SLC71A1: variants seen among roughly 807,000 people sequenced by gnomAD.
The protein encoded by SLC71A1 is solute carrier family 71 member 1, also known as hippocampus abundant gene transcript 1.
At chr1:100,043,922 A>G in the SLC71A1 span, among the ~76,000 whole-genome samples, 1 of 152,244 alleles carries the variant, frequency 6.6e-6, no homozygotes, top group South Asian at 2.1e-4. Flanking sequence ...AATGGTATAT[A>G]TACACCACAT....
chr1:100,059,807 A>G, the SLC71A1 span: 2 of 1,359,746 alleles, frequency 1.5e-6, no homozygotes, highest in Non-Finnish European at 2.0e-6. Flanking sequence ...TTTCTATAGG[A>G]GTAAAATGAT....
the SLC71A1 span, among the ~76,000 whole-genome samples, chr1:100,072,207 A>G: frequency 6.6e-6 from 1 of 152,230 alleles, no homozygotes; most frequent in Non-Finnish European, 1.5e-5. Context: ...TTGACCTTCC[A>G]TACCACTGAA....
the SLC71A1 span, among the ~76,000 whole-genome samples, chr1:100,063,628 T>G: frequency 6.6e-6 from 1 of 152,142 alleles, no homozygotes. Context: ...AGACCCCATC[T>G]ATACAGGAAC....
the SLC71A1 span, chr1:100,068,610 G>A: frequency 3.8e-6 from 5 of 1,302,452 alleles, no homozygotes; most frequent in Non-Finnish European, 5.5e-6. Context: ...CCACTAAGGT[G>A]GACTTTTCTT....
the SLC71A1 span, among the ~76,000 whole-genome samples, chr1:100,062,646 G>A: frequency 1.3e-5 from 2 of 152,128 alleles, no homozygotes; most frequent in African/African-American, 2.4e-5. Flanking sequence ...AATACCTTGT[G>A]ATAAATAAGG....
At chr1:100,071,844 A>T in the SLC71A1 span, among the ~76,000 whole-genome samples, 1 of 152,166 alleles carries the variant, frequency 6.6e-6, no homozygotes, top group African/African-American at 2.4e-5. Context: ...ACAAGATGAA[A>T]AACAGTCTCT....
At chr1:100,075,373 CTG>C in the SLC71A1 span, among the ~76,000 whole-genome samples, 3 of 152,326 alleles carry the variant, frequency 2.0e-5, no homozygotes, top group Non-Finnish European at 2.9e-5. Context: ...GTTTTCTGCT[CTG>C]TGAGTTCCTA....
the SLC71A1 span, chr1:100,059,838 T>C: frequency 1.9e-6 from 3 of 1,539,678 alleles, no homozygotes; most frequent in South Asian, 2.5e-5. Flanking sequence ...TTCATGCTCA[T>C]AGATGTGTGG....
the SLC71A1 span, among the ~76,000 whole-genome samples, chr1:100,038,783 G>T: frequency 1.3e-5 from 2 of 152,226 alleles, no homozygotes; most frequent in Non-Finnish European, 2.9e-5. Flanking sequence ...TCTGGCGCGG[G>T]GATCCCGCTG....
chr1:100,044,966 C>T, the SLC71A1 span, among the ~76,000 whole-genome samples: 10 of 152,058 alleles, frequency 6.6e-5, no homozygotes, highest in Non-Finnish European at 1.5e-4. Flanking sequence ...TTTGCTTAGT[C>T]TTGCTTTGGC....
chr1:100,048,361 G>C, the SLC71A1 span, among the ~76,000 whole-genome samples: 1 of 152,052 alleles, frequency 6.6e-6, no homozygotes, highest in Non-Finnish European at 1.5e-5. Flanking sequence ...TGTATTTTTA[G>C]TAGAGACAGG....
At chr1:100,066,774 G>T in the SLC71A1 span, among the ~76,000 whole-genome samples, 1 of 151,992 alleles carries the variant, frequency 6.6e-6, no homozygotes. Context: ...CGGATCACGA[G>T]GTCAGGAGAT....
chr1:100,051,900 T>G, the SLC71A1 span, among the ~76,000 whole-genome samples: 1 of 152,192 alleles, frequency 6.6e-6, no homozygotes, highest in South Asian at 2.1e-4. Context: ...ACATTATCAT[T>G]TTTCATCCTT....
At chr1:100,042,858 C>A in the SLC71A1 span, among the ~76,000 whole-genome samples, 1 of 152,104 alleles carries the variant, frequency 6.6e-6, no homozygotes, top group African/African-American at 2.4e-5. Context: ...GATCCACCTG[C>A]CTCAGTCTTC....
chr1:100,081,868 C>T, the SLC71A1 span: 1 of 690,418 alleles, frequency 1.4e-6, no homozygotes, highest in Non-Finnish European at 2.4e-6. Flanking sequence ...AAGGGAATGC[C>T]TTTTATAATT....
the SLC71A1 span, among the ~76,000 whole-genome samples, chr1:100,075,344 A>G: frequency 1.1e-4 from 16 of 152,230 alleles, no homozygotes; most frequent in Admixed American, 2.6e-4. Flanking sequence ...CATCATCTCA[A>G]TGAATGATGA....
chr1:100,044,707 G>A, the SLC71A1 span, among the ~76,000 whole-genome samples: 73 of 151,900 alleles, frequency 4.8e-4, no homozygotes, highest in Admixed American at 4.6e-4. Context: ...TAGTAGAGAC[G>A]AGTTTTCTCT....
At chr1:100,063,955 T>C in the SLC71A1 span, among the ~76,000 whole-genome samples, 3 of 152,186 alleles carry the variant, frequency 2.0e-5, no homozygotes, top group African/African-American at 7.2e-5. Flanking sequence ...GTAAATGCCC[T>C]CAAATGTCTT....
chr1:100,068,468 T>C, the SLC71A1 span: 38 of 1,579,482 alleles, frequency 2.4e-5, 1 homozygote, highest in South Asian at 4.1e-4. Flanking sequence ...TTTTTCTTGT[T>C]CTAGTCCTTA....
Sources: gnomAD v4.1 joint callset for allele counts (sites outside exome capture counted in the v4.1 genomes callset) on GRCh38, gnomAD v4.1.1 for gene constraint, MANE v1.5 for transcripts, NCBI Gene and HGNC (gene_info 2026-07-23, HGNC 2026-07-21) for gene names.